TNRC6B: variants seen among roughly 807,000 people sequenced by gnomAD.
TNRC6B encodes trinucleotide repeat containing adaptor 6B.
A neutral mutation model predicts 203.6 loss-of-function variants in TNRC6B; 52 were observed. The ratio of observed to expected loss-of-function variants is 0.26; its 90% CI spans 0.20 to 0.32. TNRC6B has a LOEUF of 0.32. TNRC6B is among the 10% of genes least tolerant of loss of function. The pLI is 1.00. For synonymous variants in TNRC6B, 838 were observed against 845.7 expected (o/e 0.99, Z 0.16); for missense variants, 1,923 against 2,286.2 (o/e 0.84, Z 3.24).
chr22:40,303,734 AC>A (rs1472300212), intron 15 of TNRC6B, among the ~76,000 whole-genome samples: 1 of 151,816 alleles, frequency 6.6e-6, no homozygotes, highest in Non-Finnish European at 1.5e-5. Flanking sequence ...ACATGGTGAA[AC>A]CCCGTCTCTA....
chr22:40,177,313 C>T (rs2069072633), upstream of TNRC6B, among the ~76,000 whole-genome samples: 1 of 152,174 alleles, frequency 6.6e-6, no homozygotes, highest in Non-Finnish European at 1.5e-5. Flanking sequence ...ACTGAACACA[C>T]ATACAGGCAA....
chr22:40,241,154 T>C (rs1200299981), intron 1 of TNRC6B, among the ~76,000 whole-genome samples: 1 of 152,222 alleles, frequency 6.6e-6, no homozygotes, highest in Non-Finnish European at 1.5e-5. Flanking sequence ...AATCTCGAAC[T>C]TACAGAGTTT....
At chr22:40,055,205 G>A (rs191151783) in intron 1 of TNRC6B, among the ~76,000 whole-genome samples, 4 of 152,280 alleles carry the variant, frequency 2.6e-5, no homozygotes, top group Admixed American at 2.6e-4. Flanking sequence ...AGACAGATGT[G>A]GACACAGATG....
chr22:40,186,988 A>G (rs780200913), intron 1 of TNRC6B, among the ~76,000 whole-genome samples: 8 of 152,186 alleles, frequency 5.3e-5, no homozygotes, highest in Admixed American at 5.2e-4. Context: ...AAAACTTACT[A>G]CTTTTTCATG....
At chr22:40,317,804 C>T (rs2071279038) in intron 21 of TNRC6B, among the ~76,000 whole-genome samples, 1 of 152,176 alleles carries the variant, frequency 6.6e-6, no homozygotes, top group Non-Finnish European at 1.5e-5. Context: ...GTTAAATGGG[C>T]TCATCAAAAC....
chr22:40,046,439 GATA>G (rs538649125), intron 1 of TNRC6B, among the ~76,000 whole-genome samples: 84 of 152,248 alleles, frequency 5.5e-4, no homozygotes, highest in Non-Finnish European at 9.4e-4. Flanking sequence ...TGGTGATGAT[GATA>G]ATAATACTTT....
chr22:40,316,523 A>C (rs533701147), intron 21 of TNRC6B, among the ~76,000 whole-genome samples: 1 of 152,294 alleles, frequency 6.6e-6, no homozygotes, highest in East Asian at 1.9e-4. Context: ...TTAGCCAGGC[A>C]TGGTGGCACA....
intron 19 of TNRC6B, among the ~76,000 whole-genome samples, chr22:40,314,443 T>C (rs542506119): frequency 1.3e-5 from 2 of 152,368 alleles, no homozygotes; most frequent in Admixed American, 1.3e-4. Flanking sequence ...ACTCCTGATA[T>C]GTAACCTCCT....
intron 1 of TNRC6B, among the ~76,000 whole-genome samples, chr22:40,051,920 AGT>A (rs1265151484): frequency 2.0e-5 from 3 of 152,196 alleles, no homozygotes; most frequent in African/African-American, 7.2e-5. Context: ...TGAAATCTGG[AGT>A]GTATTTTTCG....
upstream of TNRC6B, chr22:40,177,812 C>T (rs1005748200): frequency 3.1e-6 from 4 of 1,279,368 alleles, no homozygotes; most frequent in African/African-American, 6.1e-5. Flanking sequence ...AAAAGGGCTG[C>T]TTCCCCTTTA....
At position 40,228,669 on chromosome 22, in the gene TNRC6B, G is replaced by A. The variant is rs1329466056; in HGVS notation, c.6-17346G>A. On this transcript the variant is annotated intron_variant, in intron 1 of 22. Coordinates refer to ENST00000454349, the MANE Select transcript of TNRC6B (RefSeq NM_001162501.2). Reference sequence around the variant, plus strand: ...CGAGTAGCTGGGACTACAGGAGCCCGCCACCATGCCTGGCTAATTTTTTGT... The same window carrying A: ...CGAGTAGCTGGGACTACAGGAGCCCACCACCATGCCTGGCTAATTTTTTGT... 6.0e-5 allele frequency among the ~76,000 whole-genome samples: 9 copies of A among 150,746 alleles called. No individual in the cohort carries two copies. In the East Asian group the frequency reaches 1.0e-3, roughly 17 times the overall value.
intron 21 of TNRC6B, among the ~76,000 whole-genome samples, chr22:40,319,032 C>G (rs2071298924): frequency 6.6e-6 from 1 of 152,156 alleles, no homozygotes; most frequent in African/African-American, 2.4e-5. Context: ...GATCGCACCA[C>G]TGCACTCCAG....
chr22:40,165,685 A>G (rs1371595597), intron 4 of TNRC6B, among the ~76,000 whole-genome samples: 1 of 152,142 alleles, frequency 6.6e-6, no homozygotes, highest in Non-Finnish European at 1.5e-5. Flanking sequence ...GGAACTTACA[A>G]CCATGGCGTA....
At chr22:40,315,558 AT>A (rs1489409766) in intron 20 of TNRC6B, 51 bp downstream of exon 20, 4 of 1,565,978 alleles carry the variant, frequency 2.6e-6, no homozygotes, top group Non-Finnish European at 3.5e-6. Flanking sequence ...CAAGGGGCTT[AT>A]GTTAACACAG....
Position 40,277,144 on chromosome 22 carries a change from G to T in TNRC6B, c.3209G>T (p.Gly1070Val). The change falls in exon 8 of 23, where the codon GGA becomes GTA. Residue 1070 changes from glycine (G) to valine (V), a missense_variant. Coordinates refer to ENST00000454349, the MANE Select transcript of TNRC6B (RefSeq NM_001162501.2). Reference sequence around the variant, plus strand: ...CTTGCCAAACAGTTTTCAAATATGGGATTGCTGGTAAGTTTTATTTTTTTC... The same window carrying T: ...CTTGCCAAACAGTTTTCAAATATGGTATTGCTGGTAAGTTTTATTTTTTTC... ...NPLAKQFSNM[G>V]LLSQTEDNPS... 2 of 1,606,168 alleles carry T rather than the reference G, an allele frequency of 1.2e-6. No individual in the cohort carries two copies. Among genetic ancestry groups the T allele is most frequent in the South Asian group, 2.3e-5 (2 of 88,728 alleles).
At chr22:40,269,887 CA>C (rs34314387) in intron 5 of TNRC6B, among the ~76,000 whole-genome samples, 412 of 77,574 alleles carry the variant, frequency 5.3e-3, no homozygotes, top group African/African-American at 0.011. Context: ...GACTCTGTCT[CA>C]AAAAAAAAAA....
At chr22:40,177,809 C>A, upstream of TNRC6B, 1 of 1,274,732 alleles carries the variant, frequency 7.8e-7, no homozygotes, top group Non-Finnish European at 9.9e-7. Context: ...TGGAAAAGGG[C>A]TGCTTCCCCT....
At chr22:40,267,448 A>G (rs911087597) in intron 5 of TNRC6B, among the ~76,000 whole-genome samples, 2 of 152,240 alleles carry the variant, frequency 1.3e-5, no homozygotes, top group Non-Finnish European at 1.5e-5. Flanking sequence ...GCAAAGGGAA[A>G]TAATTCTGTG....
rs549732828 is a variant in TNRC6B at position 40,313,020 on chromosome 22, T to G, written c.4678+23T>G. On this transcript the variant is annotated intron_variant, in intron 19 of 22. Transcript: ENST00000454349. Reference sequence around the variant, plus strand: ...CAGGTATGAGTGTGAATTTTTTGTTTCCCTTTGGTTAGCACTTTTTCATCA... The same window carrying G: ...CAGGTATGAGTGTGAATTTTTTGTTGCCCTTTGGTTAGCACTTTTTCATCA... The G allele has an allele frequency of 1.1e-4, 179 of 1,589,342 alleles. 3 individuals are homozygous for G. In the South Asian group the frequency reaches 1.9e-3, roughly 17 times the overall value.
Sources: allele counts gnomAD v4.1 joint callset (sites outside exome capture counted in the v4.1 genomes callset), GRCh38; gene constraint gnomAD v4.1.1; transcripts MANE v1.5; gene names NCBI Gene and HGNC (gene_info 2026-07-23, HGNC 2026-07-21).